The following PTPRD variants were observed in gnomAD, a reference collection of about 807,000 sequenced individuals.
PTPRD encodes the protein receptor-type tyrosine-protein phosphatase delta.
A neutral mutation model predicts 214.5 loss-of-function variants in PTPRD; 34 were observed. The ratio of observed to expected loss-of-function variants is 0.16; its 90% CI spans 0.12 to 0.21. The LOEUF (loss-of-function observed/expected upper bound fraction) is 0.21, where lower values mean the gene tolerates loss of function less well. Ranked by LOEUF, PTPRD falls within the 10% of genes least tolerant of loss-of-function variation. PTPRD has a pLI of 1.00. For synonymous variants in PTPRD, 1,128 were observed against 845.7 expected (o/e 1.33, Z -5.79); for missense variants, 2,545 against 2,398.7 (o/e 1.06, Z -1.27).
rs144056216 is a variant in PTPRD, at chr9:9,636,132, G to A, written c.-286-61351C>T. Among the ~76,000 whole-genome samples the A allele has an allele frequency of 5.4e-3, 825 of 152,088 alleles. 6 individuals carry two copies. Among genetic ancestry groups the A allele is most frequent in the African/African-American group, 0.019 (795 of 41,474 alleles). Reference sequence around the variant, plus strand: ...CTCCAGCTTACAGGATATTTTTCACGTGTTCTTCTCCTGACCTGAAACACT... The same window carrying A: ...CTCCAGCTTACAGGATATTTTTCACATGTTCTTCTCCTGACCTGAAACACT... On this transcript the variant is annotated intron_variant, in intron 7 of 45. Coordinates refer to ENST00000381196, the MANE Select transcript of PTPRD (RefSeq NM_002839.4).
intron 2 of PTPRD, among the ~76,000 whole-genome samples, chr9:10,477,349 G>C (rs1026838107): frequency 1.3e-5 from 2 of 151,248 alleles, no homozygotes; most frequent in East Asian, 3.9e-4. Context: ...TCCCAAAGGG[G>C]CATTTATTTG....
chr9:8,738,207 G>A (rs2090970156), intron 11 of PTPRD, among the ~76,000 whole-genome samples: 1 of 152,138 alleles, frequency 6.6e-6, no homozygotes, highest in Non-Finnish European at 1.5e-5. Flanking sequence ...GAACAACAAA[G>A]AGCGCACTTG....
rs545855600 is a variant in PTPRD, at chr9:10,232,833, C to T, written c.-545+108130G>A. 2.2e-4 allele frequency among the ~76,000 whole-genome samples: 33 copies of T among 152,100 alleles called. 1 individual carries two copies. The South Asian group carries it at 6.4e-3, about 30-fold the overall frequency. ...TCAACTCACACAAAACAGGGCCAAC[C>T]TTTTCCATTTGATCTTACAGCTCAA... On this transcript the variant is annotated intron_variant, in intron 3 of 45. Transcript: ENST00000381196.
chr9:10,538,014 A>G (rs1164203495), intron 2 of PTPRD, among the ~76,000 whole-genome samples: 1 of 152,044 alleles, frequency 6.6e-6, no homozygotes, highest in Non-Finnish European at 1.5e-5. Context: ...CTGGTGTAGA[A>G]TATAAAACCC....
At chr9:9,308,848 G>C (rs758683306) in intron 9 of PTPRD, among the ~76,000 whole-genome samples, 1 of 152,190 alleles carries the variant, frequency 6.6e-6, no homozygotes, top group African/African-American at 2.4e-5. Flanking sequence ...CAAACACTGT[G>C]AAGCATGCTG....
chr9:9,619,059 G>A (rs2095075024), intron 7 of PTPRD, among the ~76,000 whole-genome samples: 1 of 152,146 alleles, frequency 6.6e-6, no homozygotes, highest in African/African-American at 2.4e-5. Flanking sequence ...ATGTGCTTTT[G>A]CTTTAGCAAT....
At chr9:10,215,269 G>T (rs1323043041) in intron 3 of PTPRD, among the ~76,000 whole-genome samples, 1 of 151,364 alleles carries the variant, frequency 6.6e-6, no homozygotes, top group African/African-American at 2.4e-5. Flanking sequence ...ATTGACTGAT[G>T]GATTTGGAGA....
intron 7 of PTPRD, among the ~76,000 whole-genome samples, chr9:9,611,037 T>C (rs1054465710): frequency 3.3e-5 from 5 of 152,200 alleles, no homozygotes; most frequent in African/African-American, 1.2e-4. Flanking sequence ...CCCTTAATTT[T>C]GTGTGTAATT....
At chr9:8,848,511 T>A (rs966576384) in intron 11 of PTPRD, among the ~76,000 whole-genome samples, 3 of 149,426 alleles carry the variant, frequency 2.0e-5, no homozygotes, top group African/African-American at 7.4e-5. Flanking sequence ...AATATTTTTT[T>A]TTTTTTTTTT....
At chr9:8,731,966 A>G (rs899573136) in intron 12 of PTPRD, among the ~76,000 whole-genome samples, 6 of 152,176 alleles carry the variant, frequency 3.9e-5, no homozygotes, top group Non-Finnish European at 8.8e-5. Context: ...GGACATCTTA[A>G]GGTTGAAAGC....
chr9:10,308,059 T>C (rs1357537115), intron 3 of PTPRD, among the ~76,000 whole-genome samples: 2 of 151,958 alleles, frequency 1.3e-5, no homozygotes, highest in East Asian at 3.9e-4. Flanking sequence ...TGTGCAGAGT[T>C]TTTAGTTTAA....
chr9:9,999,082 T>C (rs2096246215), intron 4 of PTPRD, among the ~76,000 whole-genome samples: 1 of 152,094 alleles, frequency 6.6e-6, no homozygotes, highest in Non-Finnish European at 1.5e-5. Context: ...TTAGCACAAC[T>C]AGCAAATGGC....
At chr9:9,210,437 A>C (rs1311271902) in intron 9 of PTPRD, among the ~76,000 whole-genome samples, 1 of 152,228 alleles carries the variant, frequency 6.6e-6, no homozygotes, top group African/African-American at 2.4e-5. Flanking sequence ...TTAATTTGCC[A>C]TGAAACATTT....
intron 9 of PTPRD, among the ~76,000 whole-genome samples, chr9:9,327,861 G>C (rs1296650931): frequency 6.6e-6 from 1 of 151,094 alleles, no homozygotes; most frequent in Non-Finnish European, 1.5e-5. Context: ...AATTGTTTTG[G>C]GCCACACATA....
At chr9:9,845,492 G>A (rs1172767306) in intron 5 of PTPRD, among the ~76,000 whole-genome samples, 3 of 151,718 alleles carry the variant, frequency 2.0e-5, no homozygotes, top group Non-Finnish European at 4.4e-5. Flanking sequence ...GTGTGTGTTT[G>A]AGGGTGAGGT....
intron 11 of PTPRD, among the ~76,000 whole-genome samples, chr9:8,989,878 A>G (rs1411688744): frequency 6.6e-6 from 1 of 152,184 alleles, no homozygotes; most frequent in Non-Finnish European, 1.5e-5. Context: ...TCATGATTTA[A>G]TCTTAAAATG....
chr9:9,895,114 G>A (rs1451623328), intron 5 of PTPRD, among the ~76,000 whole-genome samples: 1 of 151,980 alleles, frequency 6.6e-6, no homozygotes, highest in African/African-American at 2.4e-5. Flanking sequence ...TGAGGCTTTG[G>A]CTGGTTGTAA....
At chr9:9,877,973 CAAA>C (rs758528718) in intron 5 of PTPRD, among the ~76,000 whole-genome samples, 5 of 70,656 alleles carry the variant, frequency 7.1e-5, no homozygotes, top group African/African-American at 2.1e-4. Context: ...AACTCCATCT[CAAA>C]AAAAAAAAAA....
intron 11 of PTPRD, among the ~76,000 whole-genome samples, chr9:8,776,269 G>A (rs2095469734): frequency 6.6e-6 from 1 of 152,154 alleles, no homozygotes; most frequent in South Asian, 2.1e-4. Context: ...ATGGGATGTT[G>A]TCAAAGTTAA....
Sources: allele counts gnomAD v4.1 joint callset (sites outside exome capture counted in the v4.1 genomes callset), GRCh38; gene constraint gnomAD v4.1.1; transcripts MANE v1.5; gene names NCBI Gene and HGNC (gene_info 2026-07-23, HGNC 2026-07-21).